PLS1: variants seen among roughly 807,000 people sequenced by gnomAD.
The protein encoded by PLS1 is plastin 1, also known as plastin-1.
PLS1 carries 32 observed loss-of-function variants against 73.7 expected under a neutral mutation model. The ratio of observed to expected loss-of-function variants is 0.43; its 90% CI spans 0.33 to 0.58. The LOEUF (loss-of-function observed/expected upper bound fraction) is 0.58, where lower values mean the gene tolerates loss of function less well. Among genes scored for constraint, PLS1 ranks in the 20% least tolerant of loss-of-function variants. The pLI, the probability that PLS1 is intolerant of heterozygous loss-of-function variation, is 0.04. For synonymous variants in PLS1, 217 were observed against 261.3 expected (o/e 0.83, Z 1.63); for missense variants, 633 against 740.5 (o/e 0.85, Z 1.68).
In PLS1 at chr3:142,642,062, A is replaced by G. The variant is rs187708315; in HGVS notation, c.-36-22140A>G. Among the ~76,000 whole-genome samples the G allele has an allele frequency of 3.0e-4, 45 of 152,090 alleles. No individual in the cohort carries two copies. In the East Asian group the frequency reaches 8.5e-3, roughly 29 times the overall value. ...TGGAGGTTTCTTTTGCTTGCTCTAG[A>G]TCATGTATCTATTGAAAATATTTAA... On this transcript the variant is annotated intron_variant, in intron 1 of 15. Coordinates refer to ENST00000457734, the MANE Select transcript of PLS1 (RefSeq NM_001145319.2).
intron 11 of PLS1, among the ~76,000 whole-genome samples, chr3:142,696,759 T>TAATACC (rs200344621): frequency 7.5e-5 from 11 of 146,338 alleles, no homozygotes; most frequent in African/African-American, 2.7e-4. Context: ...ATAATAATAA[T>TAATACC]ACCATACTAG....
chr3:142,704,722 C>T (rs956869730), intron 14 of PLS1, 136 bp downstream of exon 14: 9 of 400,458 alleles, frequency 2.2e-5, no homozygotes, highest in East Asian at 5.0e-5. Flanking sequence ...GATCTTGGCT[C>T]ACTGCAAGCT....
intron 1 of PLS1, among the ~76,000 whole-genome samples, chr3:142,606,480 C>T (rs1262796934): frequency 1.3e-5 from 2 of 152,152 alleles, no homozygotes; most frequent in African/African-American, 4.8e-5. Context: ...TTACTCTTGG[C>T]TGTGACAGTT....
chr3:142,702,536 T>G (rs2038352305), intron 12 of PLS1, among the ~76,000 whole-genome samples: 1 of 152,216 alleles, frequency 6.6e-6, no homozygotes, highest in Admixed American at 6.5e-5. Flanking sequence ...AGTAGTGTTC[T>G]CCTTTTAAGT....
chr3:142,614,794 C>T (rs1253006203), intron 1 of PLS1, among the ~76,000 whole-genome samples: 2 of 152,074 alleles, frequency 1.3e-5, no homozygotes, highest in African/African-American at 4.8e-5. Context: ...CTGCTGCTTT[C>T]TTTTTCTGTT....
intron 6 of PLS1, among the ~76,000 whole-genome samples, chr3:142,681,198 C>G (rs954127305): frequency 4.6e-5 from 7 of 151,870 alleles, no homozygotes; most frequent in African/African-American, 1.7e-4. Context: ...CTTTAATGCA[C>G]TAAATATAAA....
chr3:142,670,894 A>G, intron 3 of PLS1, 99 bp from the exon 4 acceptor site: 2 of 761,786 alleles, frequency 2.6e-6, no homozygotes, highest in South Asian at 1.8e-5. Flanking sequence ...CTAGTATTTA[A>G]TTTGGTGTCA....
chr3:142,683,995 TGG>T lies in PLS1; in HGVS notation c.580-10_580-9del. ...ACTTCCTCATGTGTACTTTTTTTTT[TGG>T]CAATTCAGGAAAATTTAAACCTAGC... On this transcript the variant is annotated splice_polypyrimidine_tract_variant and intron_variant, in intron 6 of 15. Transcript: ENST00000457734. 1.3e-6 allele frequency: 2 copies of T among 1,589,408 alleles called. No individual in the cohort carries two copies. The highest frequency in any genetic ancestry group is 1.8e-5 in the Admixed American group (1 of 54,276).
At chr3:142,691,713 A>G (rs1161837523) in intron 10 of PLS1, among the ~76,000 whole-genome samples, 1 of 152,162 alleles carries the variant, frequency 6.6e-6, no homozygotes, top group Non-Finnish European at 1.5e-5. Context: ...TTTGACTGTC[A>G]TTGGATTATT....
rs866045193 is a variant in PLS1, at chr3:142,651,481, A to C, written c.-36-12721A>C. ...CTGTCTCAAAAAAAAAAAAAAAAAA[A>C]AAAAAACCCAAAAAACAAAGAGATG... On this transcript the variant is annotated intron_variant, in intron 1 of 15. Transcript: ENST00000457734. 4.7e-3 allele frequency among the ~76,000 whole-genome samples: 705 copies of C among 149,900 alleles called. 13 individuals carry two copies. Among genetic ancestry groups the C allele is most frequent in the African/African-American group, 0.016 (651 of 40,780 alleles).
intron 1 of PLS1, among the ~76,000 whole-genome samples, chr3:142,610,104 G>A (rs1171536083): frequency 2.0e-5 from 3 of 152,144 alleles, no homozygotes; most frequent in Non-Finnish European, 2.9e-5. Context: ...CCTGACCTCA[G>A]TTGATCCATC....
At chr3:142,668,606 CTT>C (rs11327433) in intron 2 of PLS1, among the ~76,000 whole-genome samples, 14 of 143,558 alleles carry the variant, frequency 9.8e-5, no homozygotes, top group Non-Finnish European at 9.2e-5. Flanking sequence ...ATGCTTATTC[CTT>C]TTTTTTTTTT....
chr3:142,601,834 T>C (rs1452657212), intron 1 of PLS1, among the ~76,000 whole-genome samples: 2 of 152,136 alleles, frequency 1.3e-5, no homozygotes, highest in African/African-American at 4.8e-5. Flanking sequence ...ATTTTCTAGA[T>C]GAGAAAATTG....
chr3:142,608,388 TAGAAATTCACATTAACTTTTA>T (rs2036062160), intron 1 of PLS1, among the ~76,000 whole-genome samples: 1 of 152,222 alleles, frequency 6.6e-6, no homozygotes, highest in Non-Finnish European at 1.5e-5. Flanking sequence ...ATAAAGTTAA[TAGAAATTCACATTAACTTTTA>T]GAATTCCATA....
At chr3:142,688,629 A>G (rs1357728683) in intron 9 of PLS1, among the ~76,000 whole-genome samples, 2 of 152,168 alleles carry the variant, frequency 1.3e-5, no homozygotes, top group Non-Finnish European at 2.9e-5. Flanking sequence ...GTTTCCCTTC[A>G]TCCAAATGTA....
At chr3:142,693,556 A>G (rs2038130562) in intron 10 of PLS1, among the ~76,000 whole-genome samples, 1 of 152,216 alleles carries the variant, frequency 6.6e-6, no homozygotes, top group Non-Finnish European at 1.5e-5. Context: ...AGGCCATTCC[A>G]CTGTCTAATA....
chr3:142,654,646 C>T (rs1235348553), intron 1 of PLS1: 1 of 152,182 alleles, frequency 6.6e-6, no homozygotes, highest in South Asian at 2.1e-4. Flanking sequence ...AACCACTGCC[C>T]CTGGCCCAAC....
rs767942356 is a variant in PLS1 at position 142,683,962 on chromosome 3, T to A, written c.580-44T>A. 5 of 1,463,150 alleles carry A rather than the reference T, an allele frequency of 3.4e-6. No homozygotes were observed. The Admixed American group carries it at 1.0e-4, about 30-fold the overall frequency. The allele number at this position is 1,463,150 out of a possible 1,614,324, so 90.6% of individuals were successfully genotyped here. A position where few individuals can be genotyped will look rare whatever the true frequency, so the allele number is the denominator to read the frequency against. On this transcript the variant is annotated intron_variant, in intron 6 of 15. Coordinates refer to ENST00000457734, the MANE Select transcript of PLS1 (RefSeq NM_001145319.2). ...TAGATAATTTTTATAGATAAGACCT[T>A]AGAAAGGACTTCCTCATGTGTACTT... is the stretch of plus-strand genomic sequence containing the variant.
At chr3:142,694,360 A>G in intron 10 of PLS1, 109 bp from the exon 11 acceptor site, 1 of 578,556 alleles carries the variant, frequency 1.7e-6, no homozygotes, top group Admixed American at 2.9e-5. Flanking sequence ...GTATCTAAAG[A>G]ACCATGGCAA....
Sources: allele counts gnomAD v4.1 joint callset (sites outside exome capture counted in the v4.1 genomes callset), GRCh38; gene constraint gnomAD v4.1.1; transcripts MANE v1.5; gene names NCBI Gene and HGNC (gene_info 2026-07-23, HGNC 2026-07-21).